The following CACNA2D3 variants were observed in gnomAD, a reference collection of about 807,000 sequenced individuals.
CACNA2D3 encodes voltage-dependent calcium channel subunit alpha-2/delta-3.
CACNA2D3 carries 60 observed loss-of-function variants against 160.6 expected under a neutral mutation model. That is an observed-to-expected ratio of 0.37 (90% CI 0.30 to 0.46). The LOEUF is 0.46. CACNA2D3 is among the 20% of genes least tolerant of loss of function. The probability of loss-of-function intolerance (pLI) is 1.00; values close to 1 mark genes in which losing one functional copy is unlikely to be tolerated. For missense variants in CACNA2D3, 1,205 were observed against 1,365.0 expected (o/e 0.88, Z 1.85); for synonymous variants, 558 against 492.9 (o/e 1.13, Z -1.75).
At chr3:54,751,608 C>T (rs1259477148) in intron 11 of CACNA2D3, among the ~76,000 whole-genome samples, 1 of 152,168 alleles carries the variant, frequency 6.6e-6, no homozygotes, top group African/African-American at 2.4e-5. Context: ...ACCAGCTACA[C>T]AAAATGCTAG....
chr3:54,696,951 C>G (rs948801819), intron 11 of CACNA2D3, among the ~76,000 whole-genome samples: 1 of 152,022 alleles, frequency 6.6e-6, no homozygotes, highest in Admixed American at 6.6e-5. Flanking sequence ...TTGGGGGTCC[C>G]TAGCTTTAGT....
At chr3:54,661,360 A>G (rs893965669) in intron 11 of CACNA2D3, among the ~76,000 whole-genome samples, 2 of 152,334 alleles carry the variant, frequency 1.3e-5, no homozygotes, top group East Asian at 1.9e-4. Flanking sequence ...CTATGCCTCA[A>G]TGGGACAGAA....
intron 25 of CACNA2D3, chr3:54,894,512 A>G: frequency 2.2e-6 from 1 of 461,898 alleles, no homozygotes; most frequent in South Asian, 1.5e-5. Flanking sequence ...CCAAGCCACC[A>G]TCTCATCTAC....
chr3:54,724,010 G>A (rs1227381454), intron 11 of CACNA2D3, among the ~76,000 whole-genome samples: 2 of 152,210 alleles, frequency 1.3e-5, no homozygotes, highest in East Asian at 3.9e-4. Flanking sequence ...TCAGTGTGCT[G>A]TATTCAGGAG....
At chr3:54,601,640 G>A (rs993313893) in intron 9 of CACNA2D3, among the ~76,000 whole-genome samples, 2 of 151,990 alleles carry the variant, frequency 1.3e-5, no homozygotes, top group Non-Finnish European at 2.9e-5. Context: ...CACCGACATA[G>A]TATTAGACAC....
chr3:54,554,870 C>CTCTTTTT (rs1274391923), intron 5 of CACNA2D3, among the ~76,000 whole-genome samples: 11 of 96,138 alleles, frequency 1.1e-4, no homozygotes, highest in Admixed American at 3.9e-4. Context: ...CTCTCACTCT[C>CTCTTTTT]TTTTTTTTTT....
intron 27 of CACNA2D3, among the ~76,000 whole-genome samples, chr3:54,935,548 G>C (rs1012739764): frequency 6.6e-6 from 1 of 152,184 alleles, no homozygotes; most frequent in African/African-American, 2.4e-5. Context: ...TAGATCTTTT[G>C]AGTGGCTACT....
intron 18 of CACNA2D3, among the ~76,000 whole-genome samples, chr3:54,874,114 A>G (rs1036420457): frequency 1.3e-5 from 2 of 152,222 alleles, no homozygotes; most frequent in Non-Finnish European, 2.9e-5. Flanking sequence ...TAGTAACCAC[A>G]GTTATAACCT....
intron 2 of CACNA2D3, among the ~76,000 whole-genome samples, chr3:54,235,405 G>A (rs1559891172): frequency 1.3e-5 from 2 of 152,208 alleles, no homozygotes; most frequent in African/African-American, 2.4e-5. Flanking sequence ...ACAGCAGAAG[G>A]CAAAGGGGGA....
At chr3:54,679,909 C>A (rs1700310178) in intron 11 of CACNA2D3, among the ~76,000 whole-genome samples, 1 of 152,232 alleles carries the variant, frequency 6.6e-6, no homozygotes, top group Non-Finnish European at 1.5e-5. Context: ...TTTTAAAATG[C>A]TGCAGCAAAT....
chr3:54,442,551 A>G (rs13327362), intron 4 of CACNA2D3, among the ~76,000 whole-genome samples: 20,720 of 152,206 alleles, frequency 0.14, 1,651 homozygotes, highest in Admixed American at 0.24. Flanking sequence ...TGAGAAAAAC[A>G]AAGATCTTAC....
intron 27 of CACNA2D3, among the ~76,000 whole-genome samples, chr3:54,934,909 T>G (rs967653118): frequency 5.9e-5 from 9 of 152,124 alleles, no homozygotes; most frequent in Non-Finnish European, 1.3e-4. Context: ...TTTCTGTATT[T>G]ATTTTCTAGT....
At chr3:54,899,538 G>A (rs1700278196) in intron 26 of CACNA2D3, among the ~76,000 whole-genome samples, 1 of 152,116 alleles carries the variant, frequency 6.6e-6, no homozygotes, top group African/African-American at 2.4e-5. Flanking sequence ...ATGTGAAGAG[G>A]CTGGATGTTC....
At chr3:55,066,634 C>T (rs772472714) in intron 35 of CACNA2D3, among the ~76,000 whole-genome samples, 2 of 152,102 alleles carry the variant, frequency 1.3e-5, no homozygotes, top group Non-Finnish European at 1.5e-5. Flanking sequence ...GTCTTGAAAT[C>T]GCATCATCTT....
Position 54,512,927 on chromosome 3 carries a change from A to G in CACNA2D3, c.544+9273A>G, listed in dbSNP as rs192087001. Among the ~76,000 whole-genome samples, 68 of 152,326 alleles carry G rather than the reference A, an allele frequency of 4.5e-4. No individual in the cohort carries two copies. In the East Asian group the frequency reaches 0.013, roughly 29 times the overall value. Reference sequence around the variant, plus strand: ...CGGAAGGCAAGGAGGAGCAAGTCACATCTTACATGGACGGCAGCAGGCAAA... The same window carrying G: ...CGGAAGGCAAGGAGGAGCAAGTCACGTCTTACATGGACGGCAGCAGGCAAA... On this transcript the variant is annotated intron_variant, in intron 5 of 37. Coordinates refer to ENST00000474759, the MANE Select transcript of CACNA2D3 (RefSeq NM_018398.3).
At chr3:54,300,116 CAG>C (rs1364598178) in intron 2 of CACNA2D3, among the ~76,000 whole-genome samples, 1 of 152,176 alleles carries the variant, frequency 6.6e-6, no homozygotes, top group South Asian at 2.1e-4. Flanking sequence ...TATTTTTAAA[CAG>C]GGGAAGTTCT....
intron 4 of CACNA2D3, among the ~76,000 whole-genome samples, chr3:54,401,653 G>T (rs1699467354): frequency 6.6e-6 from 1 of 152,132 alleles, no homozygotes; most frequent in African/African-American, 2.4e-5. Context: ...ACCCATTAAA[G>T]GTGTCCTTCA....
At chr3:55,063,952 T>C (rs1704574599) in intron 35 of CACNA2D3, among the ~76,000 whole-genome samples, 2 of 152,214 alleles carry the variant, frequency 1.3e-5, no homozygotes, top group South Asian at 2.1e-4. Flanking sequence ...TTCTTAAAGG[T>C]ACTAAAAGGT....
At chr3:54,152,271 G>C (rs754101556) in intron 2 of CACNA2D3, among the ~76,000 whole-genome samples, 1 of 152,202 alleles carries the variant, frequency 6.6e-6, no homozygotes, top group African/African-American at 2.4e-5. Flanking sequence ...ATTGTGCTGT[G>C]GTTGAGTGCG....
Sources: gnomAD v4.1 joint callset for allele counts (sites outside exome capture counted in the v4.1 genomes callset) on GRCh38, gnomAD v4.1.1 for gene constraint, MANE v1.5 for transcripts, NCBI Gene and HGNC (gene_info 2026-07-23, HGNC 2026-07-21) for gene names.